The following RORB variants were observed in gnomAD, a reference collection of about 807,000 sequenced individuals.
RORB encodes RAR related orphan receptor B.
A neutral mutation model predicts 59.1 loss-of-function variants in RORB; 6 were observed. The observed-to-expected ratio is 0.10, with a 90% CI of 0.06 to 0.20. The LOEUF is 0.20. Among genes scored for constraint, RORB ranks in the 10% least tolerant of loss-of-function variants. RORB has a pLI of 1.00. For synonymous variants in RORB, 215 were observed against 204.5 expected, an observed-to-expected ratio of 1.05 and a Z score of -0.44; for missense variants, 320 against 560.5, an observed-to-expected ratio of 0.57 and a Z score of 4.33.
At chr9:74,614,688 A>G (rs1208231774) in intron 1 of RORB, among the ~76,000 whole-genome samples, 1 of 152,202 alleles carries the variant, frequency 6.6e-6, no homozygotes, top group Non-Finnish European at 1.5e-5. Flanking sequence ...GAGCAAAGAG[A>G]AAGATCTGAG....
In RORB at chr9:74,654,165, G is replaced by C. The variant is rs187292709; in HGVS notation, c.638-6452G>C. ...CCTTTTTACATCGTCTGATATAATT[G>C]ACCTTTTAAAACTCTATTTACTTGT... On this transcript the variant is annotated intron_variant, in intron 4 of 9. Coordinates refer to ENST00000376896, the MANE Select transcript of RORB (RefSeq NM_006914.4). Among the ~76,000 whole-genome samples, 28 of 152,070 alleles carry C rather than the reference G, an allele frequency of 1.8e-4. No individual in the cohort carries two copies. The East Asian group carries it at 5.2e-3, about 28-fold the overall frequency.
chr9:74,591,408 C>G (rs1018604417), intron 1 of RORB, among the ~76,000 whole-genome samples: 2 of 152,280 alleles, frequency 1.3e-5, no homozygotes, highest in Non-Finnish European at 2.9e-5. Flanking sequence ...AAGATGCAGT[C>G]CCTTAGCTTT....
At chr9:74,528,767 T>C (rs570516011) in intron 1 of RORB, among the ~76,000 whole-genome samples, 1 of 152,158 alleles carries the variant, frequency 6.6e-6, no homozygotes, top group South Asian at 2.1e-4. Context: ...TTAGATTTTG[T>C]TGCACAGACA....
chr9:74,626,527 G>A (rs1823519961), intron 1 of RORB, among the ~76,000 whole-genome samples: 1 of 152,116 alleles, frequency 6.6e-6, no homozygotes, highest in African/African-American at 2.4e-5. Context: ...CCATCTCTCA[G>A]GGCATTTCAG....
Position 74,521,017 on chromosome 9 carries a change from T to G in RORB, c.7+23034T>G, listed in dbSNP as rs959682998. On this transcript the variant is annotated intron_variant, in intron 1 of 9. Coordinates refer to ENST00000376896, the MANE Select transcript of RORB (RefSeq NM_006914.4). ...AGTTTATTAGGCAACCAGATGCCAA[T>G]TGGCATTCCCTATCAGCTAGAAAAA... Among the ~76,000 whole-genome samples, 9 of 152,058 alleles carry G rather than the reference T, an allele frequency of 5.9e-5. No homozygotes were observed. The East Asian group carries it at 1.6e-3, about 26-fold the overall frequency.
chr9:74,582,759 C>G (rs536701574), intron 1 of RORB, among the ~76,000 whole-genome samples: 33 of 152,256 alleles, frequency 2.2e-4, no homozygotes, highest in African/African-American at 7.9e-4. Context: ...CATCTCCCTT[C>G]AACTGTGTCT....
chr9:74,666,471 G>A (rs1824267177), intron 7 of RORB, among the ~76,000 whole-genome samples: 1 of 149,570 alleles, frequency 6.7e-6, no homozygotes, highest in South Asian at 2.1e-4. Flanking sequence ...AAAAAAAAAA[G>A]GAAAGAAATA....
At chr9:74,613,892 T>C (rs1008781803) in intron 1 of RORB, among the ~76,000 whole-genome samples, 1 of 152,240 alleles carries the variant, frequency 6.6e-6, no homozygotes, top group Non-Finnish European at 1.5e-5. Context: ...TTTACGTTGC[T>C]TTAAAGGTCA....
At chr9:74,513,625 A>G (rs1270704461) in intron 1 of RORB, among the ~76,000 whole-genome samples, 1 of 152,104 alleles carries the variant, frequency 6.6e-6, no homozygotes, top group Non-Finnish European at 1.5e-5. Context: ...AGTAACTAAT[A>G]AAAGACTTTC....
intron 6 of RORB, among the ~76,000 whole-genome samples, chr9:74,664,389 G>A (rs983521658): frequency 3.3e-5 from 5 of 151,990 alleles, no homozygotes; most frequent in African/African-American, 1.2e-4. Context: ...ATCTCTACCT[G>A]GTGTAAAAAT....
intron 1 of RORB, among the ~76,000 whole-genome samples, chr9:74,538,180 G>C (rs1826349873): frequency 1.3e-5 from 2 of 151,988 alleles, no homozygotes; most frequent in Admixed American, 1.3e-4. Context: ...AAACCATATA[G>C]CCTAGCTATA....
chr9:74,660,756 G>T lies in RORB; in HGVS notation c.759+18G>T, dbSNP rs540817328. 46 of 1,605,638 alleles carry T rather than the reference G, an allele frequency of 2.9e-5. No individual in the cohort carries two copies. Among genetic ancestry groups the T allele is most frequent in the Non-Finnish European group, 3.3e-5 (39 of 1,177,354 alleles). The stretch of plus-strand genomic sequence containing the variant: ...AAAGCAAGGTACTCTGGGAAACCAT[G>T]AGAAAGTTTTTCTGTGATTACCCTA... On this transcript the variant is annotated intron_variant, in intron 5 of 9. Coordinates refer to ENST00000376896, the MANE Select transcript of RORB (RefSeq NM_006914.4).
chr9:74,552,616 G>T (rs1283453967), intron 1 of RORB, among the ~76,000 whole-genome samples: 1 of 151,836 alleles, frequency 6.6e-6, no homozygotes, highest in Admixed American at 6.6e-5. Flanking sequence ...CTGAGCAAAA[G>T]GGCTTCTTTT....
rs768131533 is a variant in RORB, at chr9:74,525,789, C to A, written c.7+27806C>A. On this transcript the variant is annotated intron_variant, in intron 1 of 9. Transcript: ENST00000376896. ...CAGAACCTCGATGAAATTCAGGAAC[C>A]CTTTGCGTCCCGAAATTCCCAACTA... is the stretch of plus-strand genomic sequence containing the variant. 1.5e-4 allele frequency among the ~76,000 whole-genome samples: 23 copies of A among 151,962 alleles called. 1 individual carries two copies. The highest frequency in any genetic ancestry group is 4.8e-4 in the African/African-American group (20 of 41,488).
At chr9:74,585,340 T>A (rs1799325912) in intron 1 of RORB, among the ~76,000 whole-genome samples, 1 of 152,066 alleles carries the variant, frequency 6.6e-6, no homozygotes, top group Non-Finnish European at 1.5e-5. Context: ...ACTGAAAGAG[T>A]AAAAATATAT....
At chr9:74,624,549 G>A (rs1563956494) in intron 1 of RORB, among the ~76,000 whole-genome samples, 1 of 152,132 alleles carries the variant, frequency 6.6e-6, no homozygotes, top group Non-Finnish European at 1.5e-5. Flanking sequence ...TCCCAACCTT[G>A]GGGCTACTGT....
intron 9 of RORB, among the ~76,000 whole-genome samples, chr9:74,675,705 G>A (rs1354680634): frequency 6.6e-6 from 1 of 152,220 alleles, no homozygotes; most frequent in East Asian, 1.9e-4. Flanking sequence ...TACAGTGTGT[G>A]CAAAGCCCGG....
chr9:74,660,527 C>A, intron 4 of RORB, 90 bp from the exon 5 acceptor site: 1 of 1,234,212 alleles, frequency 8.1e-7, no homozygotes, highest in Admixed American at 2.4e-5. Context: ...AGGAGTATCT[C>A]CAAAAGGCAT....
intron 1 of RORB, among the ~76,000 whole-genome samples, chr9:74,515,628 T>C (rs187854592): frequency 2.5e-4 from 38 of 152,138 alleles, no homozygotes; most frequent in African/African-American, 9.2e-4. Flanking sequence ...ATGCTTTCTA[T>C]TAGAAAATCT....
Sources: allele counts gnomAD v4.1 joint callset (sites outside exome capture counted in the v4.1 genomes callset), GRCh38; gene constraint gnomAD v4.1.1; transcripts MANE v1.5; gene names NCBI Gene and HGNC (gene_info 2026-07-23, HGNC 2026-07-21).